PCCA: variants seen among roughly 807,000 people sequenced by gnomAD.
The protein encoded by PCCA is propionyl-CoA carboxylase alpha chain, mitochondrial.
A neutral mutation model predicts 101.3 loss-of-function variants in PCCA; 74 were observed. The observed-to-expected ratio is 0.73, with a 90% CI of 0.61 to 0.89. The LOEUF is 0.89. PCCA is among the 40% of genes least tolerant of loss of function. The pLI is 0.00. For synonymous variants in PCCA, 294 were observed against 313.6 expected (o/e 0.94, Z 0.66); for missense variants, 891 against 907.0 (o/e 0.98, Z 0.23).
At chr13:100,329,143 T>C (rs988713773) in intron 16 of PCCA, among the ~76,000 whole-genome samples, 1 of 152,136 alleles carries the variant, frequency 6.6e-6, no homozygotes, top group Non-Finnish European at 1.5e-5. Flanking sequence ...TAAATAAATA[T>C]GGTTATGTTA....
chr13:100,283,592 A>G (rs890842814), intron 12 of PCCA, among the ~76,000 whole-genome samples: 1 of 151,938 alleles, frequency 6.6e-6, no homozygotes, highest in East Asian at 1.9e-4. Flanking sequence ...TATCAGGAGA[A>G]AGCTCGAAAA....
intron 6 of PCCA, among the ~76,000 whole-genome samples, chr13:100,178,810 G>A (rs1246795581): frequency 6.6e-6 from 1 of 151,996 alleles, no homozygotes; most frequent in Non-Finnish European, 1.5e-5. Context: ...GGGCGCGGTG[G>A]CTCATGCCTG....
intron 7 of PCCA, among the ~76,000 whole-genome samples, chr13:100,217,032 C>G (rs2059559855): frequency 6.6e-6 from 1 of 151,760 alleles, no homozygotes. Context: ...TCCCTTGAAC[C>G]TGGGAGGTGG....
At chr13:100,103,029 ACT>A in intron 2 of PCCA, 69 bp downstream of exon 2, 1 of 1,009,860 alleles carries the variant, frequency 9.9e-7, no homozygotes, top group Admixed American at 1.8e-5. Context: ...TCGTCTCCAC[ACT>A]GTGTTCAGTG....
Position 100,209,330 on chromosome 13 carries a change from A to AG in PCCA, c.469dup. The AG allele has an allele frequency of 3.1e-6, 5 of 1,613,442 alleles. No homozygotes were observed. Among genetic ancestry groups the AG allele is most frequent in the Non-Finnish European group, 4.2e-6 (5 of 1,179,404 alleles). On this transcript the variant is annotated splice_acceptor_variant, in intron 6 of 23. Transcript: ENST00000376285. LOFTEE classifies it high-confidence loss of function. The stretch of plus-strand genomic sequence containing the variant: ...TAAATTTTGACTTGTTTTTCTCCAC[A>AG]GGCAGCAGAAGATGTCGTTTTCATT...
intron 1 of PCCA, among the ~76,000 whole-genome samples, chr13:100,098,655 T>A (rs922991872): frequency 1.3e-5 from 2 of 152,106 alleles, no homozygotes; most frequent in Non-Finnish European, 2.9e-5. Context: ...TACAGCGGGA[T>A]GGGGAAGAAT....
chr13:100,360,617 C>T (rs2074469693), intron 18 of PCCA, among the ~76,000 whole-genome samples: 1 of 152,140 alleles, frequency 6.6e-6, no homozygotes, highest in Admixed American at 6.6e-5. Flanking sequence ...TAAAAAGATA[C>T]CACTACATAC....
At chr13:100,527,572 A>G (rs1594159885) in intron 22 of PCCA, 103 bp from the exon 23 acceptor site, 2 of 787,706 alleles carry the variant, frequency 2.5e-6, no homozygotes, top group East Asian at 4.9e-5. Context: ...TCATAGACAC[A>G]TATTTTGGGG....
intron 12 of PCCA, among the ~76,000 whole-genome samples, chr13:100,297,079 T>C (rs1188531204): frequency 1.3e-5 from 2 of 152,226 alleles, no homozygotes; most frequent in Non-Finnish European, 2.9e-5. Context: ...TGTACTAGAT[T>C]CAGTCTTTGC....
chr13:100,386,779 G>A (rs2076532628), intron 19 of PCCA, among the ~76,000 whole-genome samples: 1 of 152,196 alleles, frequency 6.6e-6, no homozygotes, highest in African/African-American at 2.4e-5. Context: ...AATATCTTTG[G>A]AAGGAGCCAC....
chr13:100,152,161 G>A (rs993932848), intron 4 of PCCA, among the ~76,000 whole-genome samples: 1 of 152,152 alleles, frequency 6.6e-6, no homozygotes, highest in African/African-American at 2.4e-5. Flanking sequence ...TGCTACTAGT[G>A]ACCCTGGGCT....
chr13:100,425,109 C>T (rs984170111), intron 19 of PCCA, among the ~76,000 whole-genome samples: 9 of 151,954 alleles, frequency 5.9e-5, no homozygotes, highest in African/African-American at 1.9e-4. Context: ...TTATGATTGA[C>T]AGAAATATGA....
At chr13:100,266,817 A>G (rs2062969234) in intron 10 of PCCA, among the ~76,000 whole-genome samples, 1 of 152,224 alleles carries the variant, frequency 6.6e-6, no homozygotes, top group Non-Finnish European at 1.5e-5. Flanking sequence ...ACAGGCTTGC[A>G]TTATGTGACA....
intron 21 of PCCA, among the ~76,000 whole-genome samples, chr13:100,509,826 T>TTTTTTTTTTGTTTTG (rs142898031): frequency 1.3e-5 from 2 of 149,454 alleles, no homozygotes; most frequent in Non-Finnish European, 3.0e-5. Context: ...TTTTGTGTTT[T>TTTTTTTTTTGTTTTG]TTTTGTTTTG....
At chr13:100,177,705 A>G (rs1210771746) in intron 6 of PCCA, among the ~76,000 whole-genome samples, 1 of 152,176 alleles carries the variant, frequency 6.6e-6, no homozygotes, top group Admixed American at 6.5e-5. Context: ...TGTAAAACAT[A>G]AGGACGAAAA....
chr13:100,089,336 C>G, intron 1 of PCCA, 111 bp downstream of exon 1: 1 of 1,297,318 alleles, frequency 7.7e-7, no homozygotes, highest in Non-Finnish European at 9.8e-7. Flanking sequence ...GCCCCCGCGC[C>G]CCGGTTCCGC....
At chr13:100,404,007 C>T (rs2077523883) in intron 19 of PCCA, among the ~76,000 whole-genome samples, 1 of 152,164 alleles carries the variant, frequency 6.6e-6, no homozygotes, top group Admixed American at 6.5e-5. Context: ...TAACTGCTTC[C>T]TGCTGACAGG....
Position 100,164,841 on chromosome 13 carries a change from C to A in PCCA, c.468+7501C>A, listed in dbSNP as rs1198737588. On this transcript the variant is annotated intron_variant, in intron 6 of 23. Coordinates refer to ENST00000376285, the MANE Select transcript of PCCA (RefSeq NM_000282.4). Reference sequence around the variant, plus strand: ...AACTGTACATATTAAACACTAATTCCCCATTTCCCACCTACTCCTAGCCCC... The same window carrying A: ...AACTGTACATATTAAACACTAATTCACCATTTCCCACCTACTCCTAGCCCC... Among the ~76,000 whole-genome samples, 7 of 152,208 alleles carry A rather than the reference C, an allele frequency of 4.6e-5. No homozygotes were observed. In the East Asian group the frequency reaches 1.3e-3, roughly 29 times the overall value.
intron 6 of PCCA, among the ~76,000 whole-genome samples, chr13:100,187,363 A>G (rs1023345863): frequency 3.3e-5 from 5 of 152,284 alleles, no homozygotes; most frequent in African/African-American, 4.8e-5. Context: ...TAATACGTCA[A>G]TTGGGATCTG....
Sources: gnomAD v4.1 joint callset for allele counts (sites outside exome capture counted in the v4.1 genomes callset) on GRCh38, gnomAD v4.1.1 for gene constraint, MANE v1.5 for transcripts, NCBI Gene and HGNC (gene_info 2026-07-23, HGNC 2026-07-21) for gene names.